Variants in HINFP observed in about 807,000 individuals in gnomAD.
HINFP encodes histone H4 transcription factor, also known as MBD2 (methyl-CpG-binding protein)-interacting zinc finger protein.
A neutral mutation model predicts 50.1 loss-of-function variants in HINFP; 20 were observed. The ratio of observed to expected loss-of-function variants is 0.40; its 90% CI spans 0.28 to 0.58. The LOEUF is 0.58. Ranked by LOEUF, HINFP falls within the 20% of genes least tolerant of loss-of-function variation. The pLI, the probability that HINFP is intolerant of heterozygous loss-of-function variation, is 0.45. For synonymous variants in HINFP, 247 were observed against 243.7 expected (o/e 1.01, Z -0.13); for missense variants, 505 against 664.1 (o/e 0.76, Z 2.63).
intron 1 of HINFP, chr11:119,125,708 C>T (rs1947356301): frequency 6.6e-6 from 1 of 152,138 alleles, no homozygotes; most frequent in South Asian, 2.1e-4. Flanking sequence ...CATGCCTAAG[C>T]ATGCCTAGCA....
Position 119,131,724 on chromosome 11 carries a change from G to T in HINFP, c.523+78G>T. On this transcript the variant is annotated intron_variant, in intron 4 of 9. Coordinates refer to ENST00000350777, the MANE Select transcript of HINFP (RefSeq NM_198971.3). The surrounding 1 kb of genome is among the most constrained non-coding windows in gnomAD (Gnocchi z 4.2). ...AGAGCTGGGACAGAAAGGGATAGGG[G>T]TCCTACAGGGGCAAGGTTGACTGCC... 6.3e-7 allele frequency: 1 copy of T among 1,584,866 alleles called. No individual in the cohort carries two copies. The highest frequency in any genetic ancestry group is 8.7e-7 in the Non-Finnish European group (1 of 1,154,318).
intron 1 of HINFP, chr11:119,125,627 G>A (rs1461644149): frequency 2.0e-5 from 3 of 152,206 alleles, no homozygotes; most frequent in African/African-American, 7.2e-5. Context: ...TCAGTGAGCT[G>A]TGATTGTGCC....
chr11:119,125,095 G>A (rs1404787934), intron 1 of HINFP: 2 of 132,892 alleles, frequency 1.5e-5, no homozygotes, highest in Non-Finnish European at 3.1e-5. Context: ...CTGGAGTACA[G>A]TGGCACGATC....
Position 119,127,052 on chromosome 11 carries a change from C to T in HINFP, c.108C>T (p.Val36=). 1 of 1,614,120 alleles carries T rather than the reference C, an allele frequency of 6.2e-7. No individual in the cohort carries two copies. Among genetic ancestry groups the T allele is most frequent in the Non-Finnish European group, 8.5e-7 (1 of 1,180,022 alleles). Residue 36 remains valine (V), a synonymous_variant, in exon 2 of 10, where the codon GTC becomes GTT. Transcript: ENST00000350777. Reference sequence around the variant, plus strand: ...CCATGGAAAAGTTCTTTGAGCATGTCACTCAGCACCTGCAGCAGCACCTGC... The same window carrying T: ...CCATGGAAAAGTTCTTTGAGCATGTTACTCAGCACCTGCAGCAGCACCTGC... ...CSTMEKFFEH[V]TQHLQQHLHG...
At chr11:119,129,686 G>T (rs1358035504) in intron 2 of HINFP, among the ~76,000 whole-genome samples, 1 of 147,856 alleles carries the variant, frequency 6.8e-6, no homozygotes, top group Non-Finnish European at 1.5e-5. Context: ...GGATGGTCTC[G>T]ATCTCCTGAC....
chr11:119,134,351 G>C lies in HINFP; in HGVS notation c.1407G>C (p.Gln469His), dbSNP rs1947951281. The C allele has an allele frequency of 1.2e-6, 2 of 1,614,056 alleles. No individual in the cohort carries two copies. The highest frequency in any genetic ancestry group is 1.7e-6 in the Non-Finnish European group (2 of 1,180,012). ...NPSSVIHVVN[Q>H]TNAQGQQEIV... ...GTTCTGTCATCCACGTGGTGAATCA[G>C]ACCAATGCCCAAGGCCAGCAAGAGA... The change falls in exon 10 of 10, where the codon CAG becomes CAC. Residue 469 changes from glutamine (Q) to histidine (H), a missense_variant. By Grantham distance (24) the Gln-to-His change is conservative (BLOSUM62 0). Transcript: ENST00000350777. The surrounding 1 kb of genome is among the most constrained non-coding windows in gnomAD (Gnocchi z 4.3).
At position 119,132,670 on chromosome 11, in the gene HINFP, A is replaced by G. The variant is rs747537186; in HGVS notation, c.764A>G (p.Tyr255Cys). Residue 255 changes from tyrosine to cysteine, a missense_variant, in exon 7 of 10, where the codon TAT (tyrosine) becomes TGT (cysteine). By Grantham distance (194) the Tyr-to-Cys change is radical. Coordinates refer to ENST00000350777, the MANE Select transcript of HINFP (RefSeq NM_198971.3). The part of the protein sequence containing the change: ...RDHMRNHVNH[Y>C]KCPLCDMTCP... Reference sequence around the variant, plus strand: ...TCTCTGCTTCTCTCAGTGAATCACTATAAGTGCCCTCTGTGTGACATGACC... The same window carrying G: ...TCTCTGCTTCTCTCAGTGAATCACTGTAAGTGCCCTCTGTGTGACATGACC... 1.5e-5 allele frequency: 24 copies of G among 1,613,962 alleles called. No individual in the cohort carries two copies. Among genetic ancestry groups the G allele is most frequent in the Non-Finnish European group, 1.9e-5 (22 of 1,180,032 alleles).
At chr11:119,126,335 G>C (rs538230915) in intron 1 of HINFP, 1 of 139,640 alleles carries the variant, frequency 7.2e-6, no homozygotes, top group East Asian at 2.2e-4. Flanking sequence ...CAGCCTGGGA[G>C]ATGAGCGAAA....
chr11:119,127,171 GA>G lies in HINFP; in HGVS notation c.181+50del, dbSNP rs763083300. ...AAGGGGAGGAGCTCAAGGAAAGGTG[GA>G]AAATCTGACTTTCTTTTCCTTAGAG... On this transcript the variant is annotated intron_variant, in intron 2 of 9. Coordinates refer to ENST00000350777, the MANE Select transcript of HINFP (RefSeq NM_198971.3). 3 of 1,473,604 alleles carry G rather than the reference GA, an allele frequency of 2.0e-6. No individual in the cohort carries two copies. In the Admixed American group the frequency reaches 7.3e-5, roughly 36 times the overall value. The allele number at this position is 1,473,604 out of a possible 1,614,324, so 91.3% of individuals were successfully genotyped here. A position where few individuals can be genotyped will look rare whatever the true frequency, so the allele number is the denominator to read the frequency against.
At chr11:119,125,921 C>T (rs1947371013) in intron 1 of HINFP, 1 of 152,176 alleles carries the variant, frequency 6.6e-6, no homozygotes, top group Non-Finnish European at 1.5e-5. Flanking sequence ...CTAGGCTCAT[C>T]TGTAGGCTCT....
At chr11:119,132,142 C>T (rs773612860) in intron 5 of HINFP, 160 bp downstream of exon 5, 7 of 744,362 alleles carry the variant, frequency 9.4e-6, no homozygotes, top group African/African-American at 8.7e-5. Flanking sequence ...GATTCAGATT[C>T]GTAGGCATTG....
In HINFP at chr11:119,134,108, T is replaced by C; in HGVS notation, c.1164T>C (p.Tyr388=). 1 of 1,614,172 alleles carries C rather than the reference T, an allele frequency of 6.2e-7. No individual in the cohort carries two copies. The highest frequency in any genetic ancestry group is 1.1e-5 in the South Asian group (1 of 91,084). ...GGTACAAGGAACATGAAGATGGCTA[T>C]ATGCGGCTGCAGCTGGTTCGCTACG... ...RFRYKEHEDG[Y]MRLQLVRYES... is the part of the protein sequence containing the mutation. The change falls in exon 10 of 10, where the codon TAT becomes TAC. Residue 388 remains tyrosine (Y), a synonymous_variant. Coordinates refer to ENST00000350777, the MANE Select transcript of HINFP (RefSeq NM_198971.3). This position sits in a 1 kb window ranked among gnomAD's most constrained non-coding sequence, Gnocchi z 4.3.
chr11:119,128,475 T>C (rs1442488654), intron 2 of HINFP, among the ~76,000 whole-genome samples: 2 of 150,490 alleles, frequency 1.3e-5, no homozygotes, highest in Admixed American at 6.6e-5. Flanking sequence ...CCGTCTAATT[T>C]TTTTTTGTAT....
chr11:119,132,118 A>G (rs1307442354), intron 5 of HINFP, 136 bp downstream of exon 5: 2 of 879,218 alleles, frequency 2.3e-6, no homozygotes, highest in South Asian at 1.6e-5. Flanking sequence ...GGCACCTCCC[A>G]TAGTCTCTTT....
chr11:119,127,250 T>G, intron 2 of HINFP, 125 bp downstream of exon 2: 1 of 793,830 alleles, frequency 1.3e-6, no homozygotes, highest in Non-Finnish European at 1.9e-6. Flanking sequence ...GTGTTTTTGT[T>G]GTATATAAAA....
At position 119,132,753 on chromosome 11, in the gene HINFP, C is replaced by T. The variant is rs1947841785; in HGVS notation, c.847C>T (p.Pro283Ser). The T allele has an allele frequency of 3.7e-6, 6 of 1,613,624 alleles. No homozygotes were observed. The highest frequency in any genetic ancestry group is 5.1e-6 in the Non-Finnish European group (6 of 1,180,032). Reference protein sequence around the residue: ...HMRFRHSEDRPFKCDCCDYSC... With the variant: ...HMRFRHSEDRSFKCDCCDYSC... ...GCGCTTTCGTCACAGTGAGGACCGG[C>T]CCTTTAAATGTGACTGTTGTGACTA... Residue 283 changes from proline to serine, a missense_variant, in exon 7 of 10, where the codon CCC (proline) becomes TCC (serine). Coordinates refer to ENST00000350777, the MANE Select transcript of HINFP (RefSeq NM_198971.3).
At position 119,132,778 on chromosome 11, in the gene HINFP, A is replaced by G; in HGVS notation, c.872A>G (p.Tyr291Cys). The G allele has an allele frequency of 6.2e-7, 1 of 1,613,572 alleles. No homozygotes were observed. The highest frequency in any genetic ancestry group is 8.5e-7 in the Non-Finnish European group (1 of 1,180,026). ...CCCTTTAAATGTGACTGTTGTGACT[A>G]CAGGTAAGGGGGACCAGGGACCAGA... ...DRPFKCDCCD[Y>C]SCKNLIDLQK... The change falls in exon 7 of 10, where the codon TAC becomes TGC. Residue 291 changes from tyrosine (Y) to cysteine (C), a missense_variant. By Grantham distance (194) the Tyr-to-Cys change is radical. Transcript: ENST00000350777.
chr11:119,134,559 G>A lies in HINFP; in HGVS notation c.*61G>A. ...TGAAGTTTGAGCCAGGCAAGTGGCAGTGCCCCTAGTGGGCAGCCGTTGCCA... is the reference window on the plus strand; with the variant it reads ...TGAAGTTTGAGCCAGGCAAGTGGCAATGCCCCTAGTGGGCAGCCGTTGCCA... On this transcript the variant is annotated 3_prime_UTR_variant, in exon 10 of 10. Coordinates refer to ENST00000350777, the MANE Select transcript of HINFP (RefSeq NM_198971.3). This position sits in a 1 kb window ranked among gnomAD's most constrained non-coding sequence, Gnocchi z 4.3. The A allele has an allele frequency of 7.4e-7, 1 of 1,357,836 alleles. No homozygotes were observed. Among genetic ancestry groups the A allele is most frequent in the Non-Finnish European group, 1.0e-6 (1 of 1,004,826 alleles). The allele number at this position is 1,357,836 out of a possible 1,614,324, so 84.1% of individuals were successfully genotyped here.
At chr11:119,129,337 C>A (rs777309527) in intron 2 of HINFP, among the ~76,000 whole-genome samples, 1 of 151,702 alleles carries the variant, frequency 6.6e-6, no homozygotes, top group African/African-American at 2.4e-5. Flanking sequence ...CTGCGCCCGA[C>A]CAAAGCCACT....
Sources: gnomAD v4.1 joint callset for allele counts (sites outside exome capture counted in the v4.1 genomes callset) on GRCh38, gnomAD v4.1.1 for gene constraint, Gnocchi (gnomAD v3.1) non-coding constraint, MANE v1.5 for transcripts, NCBI Gene and HGNC (gene_info 2026-07-23, HGNC 2026-07-21) for gene names.